The following KIAA1671 variants were observed in gnomAD, a reference collection of about 807,000 sequenced individuals.
KIAA1671 encodes the protein uncharacterized protein KIAA1671.
In KIAA1671, 52 loss-of-function variants were observed where a neutral mutation model predicts 131.2. That is an observed-to-expected ratio of 0.40 (90% CI 0.32 to 0.50). KIAA1671 has a LOEUF of 0.50. Among genes scored for constraint, KIAA1671 ranks in the 20% least tolerant of loss-of-function variants. The pLI is 0.73. For synonymous variants in KIAA1671, 1,003 were observed against 961.6 expected (o/e 1.04, Z -0.80); for missense variants, 2,360 against 2,364.2 (o/e 1.00, Z 0.04).
chr22:25,052,661 A>T (rs1927601535), intron 6 of KIAA1671: 1 of 152,066 alleles, frequency 6.6e-6, no homozygotes, highest in African/African-American at 2.4e-5. Context: ...GATGCTTACA[A>T]AGCTCTTAGC....
chr22:25,179,374 G>A, intron 9 of KIAA1671: 1 of 1,604,922 alleles, frequency 6.2e-7, no homozygotes, highest in Non-Finnish European at 8.5e-7. Flanking sequence ...AGCTCCTCGC[G>A]CAGCCGCTCG....
intron 1 of KIAA1671, among the ~76,000 whole-genome samples, chr22:24,981,086 G>GTT (rs764627901): frequency 6.6e-6 from 1 of 151,526 alleles, no homozygotes; most frequent in Non-Finnish European, 1.5e-5. Flanking sequence ...GTGTGTGTGT[G>GTT]TGTTTTTACT....
At position 25,148,047 on chromosome 22, in the gene KIAA1671, T is replaced by G. The variant is rs556476469; in HGVS notation, c.4531-22773T>G. Among the ~76,000 whole-genome samples the G allele has an allele frequency of 2.2e-5, 3 of 135,018 alleles. No homozygotes were observed. The South Asian group carries it at 7.8e-4, about 35-fold the overall frequency. The allele number at this position is 135,018 out of a possible 152,430, so 88.6% of individuals were successfully genotyped here. ...CTTGCTACCTCTCTCCCTCCCTCTC[T>G]CTTCTCTCTTTTTTTTTCTCCTCTC... On this transcript the variant is annotated intron_variant, in intron 6 of 12. Transcript: ENST00000358431.
At chr22:25,149,335 G>A (rs572088566) in intron 6 of KIAA1671, among the ~76,000 whole-genome samples, 10 of 152,308 alleles carry the variant, frequency 6.6e-5, no homozygotes, top group African/African-American at 2.2e-4. Flanking sequence ...TGCATCTGAC[G>A]TCCTGGCCCC....
intron 6 of KIAA1671, chr22:25,111,730 T>G (rs1931359900): frequency 6.6e-6 from 1 of 151,734 alleles, no homozygotes; most frequent in South Asian, 2.1e-4. Context: ...TGAAGGGAAG[T>G]GAGGACGAGG....
Position 25,028,129 on chromosome 22 carries a change from C to T in KIAA1671, c.130C>T (p.Pro44Ser). 1 of 1,551,268 alleles carries T rather than the reference C, an allele frequency of 6.4e-7. No individual in the cohort carries two copies. Reference protein sequence around the residue: ...LQAGEASGAPPARILEAKSPL... With the variant: ...LQAGEASGAPSARILEAKSPL... ...GGCCGGCGAAGCCTCTGGGGCTCCC[C>T]CAGCCCGGATCTTGGAAGCGAAGAG... Residue 44 changes from proline to serine, a missense_variant, in exon 3 of 13, where the codon CCA becomes TCA. By Grantham distance (74) the Pro-to-Ser change is moderately conservative. This residue lies in a region of KIAA1671 where 1,185 missense variants were observed against 1,126.2 expected (regional missense o/e 1.05). Coordinates refer to ENST00000358431, the MANE Select transcript of KIAA1671 (RefSeq NM_001145206.2).
intron 5 of KIAA1671, among the ~76,000 whole-genome samples, chr22:25,044,609 C>T (rs1285683298): frequency 6.9e-6 from 1 of 145,816 alleles, no homozygotes; most frequent in Non-Finnish European, 1.5e-5. Flanking sequence ...TTGTCTCCTG[C>T]CAAAAGATCT....
intron 6 of KIAA1671, chr22:25,065,141 A>ATCG (rs1384102171): frequency 2.4e-5 from 3 of 125,916 alleles, no homozygotes; most frequent in African/African-American, 8.7e-5. Context: ...CGAGGCAGCA[A>ATCG]GCGGCGGCTG....
At chr22:25,049,084 C>G (rs1927394079) in intron 5 of KIAA1671, 146 bp from the exon 6 acceptor site, 4 of 1,006,286 alleles carry the variant, frequency 4.0e-6, no homozygotes, top group Non-Finnish European at 5.7e-6. Flanking sequence ...TACATGTTAC[C>G]TCTGATCATT....
At chr22:25,013,705 C>A (rs1403394452) in intron 1 of KIAA1671, 1 of 152,208 alleles carries the variant, frequency 6.6e-6, no homozygotes, top group Non-Finnish European at 1.5e-5. Context: ...AGTTCCAGGG[C>A]TGGGTCTTCC....
intron 6 of KIAA1671, among the ~76,000 whole-genome samples, chr22:25,159,037 C>T (rs1294308069): frequency 6.6e-6 from 1 of 152,186 alleles, no homozygotes. Context: ...CTGACACCCA[C>T]AGCGCAGGCT....
intron 6 of KIAA1671, among the ~76,000 whole-genome samples, chr22:25,138,404 C>T (rs867858198): frequency 3.3e-5 from 5 of 152,182 alleles, no homozygotes; most frequent in African/African-American, 4.8e-5. Flanking sequence ...TATAATCCTT[C>T]GGTAGGGAGT....
At chr22:25,013,475 G>A (rs1362285193) in intron 1 of KIAA1671, 1 of 152,174 alleles carries the variant, frequency 6.6e-6, no homozygotes, top group East Asian at 1.9e-4. Flanking sequence ...GACCTTCCCA[G>A]GATTTGGAGC....
chr22:25,110,538 A>T (rs1931275574), intron 6 of KIAA1671, among the ~76,000 whole-genome samples: 1 of 152,172 alleles, frequency 6.6e-6, no homozygotes, highest in Non-Finnish European at 1.5e-5. Context: ...TGTCTGTAAA[A>T]GTAGTGGGGT....
In KIAA1671 at chr22:25,116,696, C is replaced by T. The variant is rs111253086; in HGVS notation, c.4531-54124C>T. Among the ~76,000 whole-genome samples, 326 of 152,256 alleles carry T rather than the reference C, an allele frequency of 2.1e-3. 2 individuals are homozygous for T. The highest frequency in any genetic ancestry group is 6.2e-3 in the African/African-American group (259 of 41,530). On this transcript the variant is annotated intron_variant, in intron 6 of 12. Coordinates refer to ENST00000358431, the MANE Select transcript of KIAA1671 (RefSeq NM_001145206.2). The stretch of plus-strand genomic sequence containing the variant: ...TCAGCCTCCCAAAGTGCTGAGATTA[C>T]AGGTGTGAGCCACCACACCTGGCCC...
intron 1 of KIAA1671, among the ~76,000 whole-genome samples, chr22:24,991,885 G>A (rs894819945): frequency 2.0e-5 from 3 of 152,072 alleles, no homozygotes; most frequent in Admixed American, 6.6e-5. Flanking sequence ...GTAAATAAGC[G>A]TGGCGTGTGT....
intron 1 of KIAA1671, among the ~76,000 whole-genome samples, chr22:25,004,452 A>T (rs1690275936): frequency 2.0e-5 from 3 of 152,150 alleles, no homozygotes; most frequent in African/African-American, 7.2e-5. Flanking sequence ...AATGTTTTAA[A>T]ATTTAACTTT....
chr22:25,177,510 A>C lies in KIAA1671; in HGVS notation c.5062A>C (p.Lys1688Gln). The C allele has an allele frequency of 6.4e-7, 1 of 1,551,238 alleles. No homozygotes were observed. ...EDETDNTWMF[K>Q]DSTEEKSPRK... ...TGAGACTGACAACACGTGGATGTTC[A>C]AAGACTCAACGGGTATGCCATGACT... The change falls in exon 9 of 13, where the codon AAA becomes CAA. Residue 1688 changes from lysine to glutamine, a missense_variant. Coordinates refer to ENST00000358431, the MANE Select transcript of KIAA1671 (RefSeq NM_001145206.2).
intron 6 of KIAA1671, chr22:25,054,402 C>T (rs1457502396): frequency 6.7e-6 from 1 of 149,850 alleles, no homozygotes; most frequent in Non-Finnish European, 1.5e-5. Flanking sequence ...AATGAGGCTC[C>T]TCTCCGTGGC....
Sources: gnomAD v4.1 joint callset for allele counts (sites outside exome capture counted in the v4.1 genomes callset) on GRCh38, gnomAD v4.1.1 for gene constraint, gnomAD v4.1.1 regional missense constraint, MANE v1.5 for transcripts, NCBI Gene and HGNC (gene_info 2026-07-23, HGNC 2026-07-21) for gene names.